The following SERGEF variants were observed in gnomAD, a reference collection of about 807,000 sequenced individuals.
The protein encoded by SERGEF is secretion regulating guanine nucleotide exchange factor.
Under a neutral mutation model 50.0 loss-of-function variants are expected in SERGEF, and 51 were observed. The ratio of observed to expected loss-of-function variants is 1.02; its 90% CI spans 0.81 to 1.29. The LOEUF is 1.29. Ranked by LOEUF, SERGEF falls within the 50% of genes most tolerant of loss-of-function variation. The probability of loss-of-function intolerance (pLI) is 0.00; values close to 1 mark genes in which losing one functional copy is unlikely to be tolerated. For missense variants in SERGEF, 521 were observed against 557.0 expected (o/e 0.94, Z 0.65); for synonymous variants, 205 against 212.4 (o/e 0.97, Z 0.30).
At chr11:17,837,836 G>T (rs1320214210) in intron 10 of SERGEF, among the ~76,000 whole-genome samples, 1 of 151,760 alleles carries the variant, frequency 6.6e-6, no homozygotes, top group Non-Finnish European at 1.5e-5. Context: ...GCTAATTTTT[G>T]TATTTTTAAT....
intron 9 of SERGEF, among the ~76,000 whole-genome samples, chr11:17,954,155 G>A (rs538973300): frequency 2.0e-5 from 3 of 152,298 alleles, no homozygotes; most frequent in Non-Finnish European, 4.4e-5. Flanking sequence ...GTACTTACCA[G>A]AGAGCCACTT....
At chr11:17,832,358 A>C (rs12797500) in intron 10 of SERGEF, among the ~76,000 whole-genome samples, 12,042 of 152,290 alleles carry the variant, frequency 0.079, 557 homozygotes, top group Middle Eastern at 0.095. Context: ...TGAGTTGCTC[A>C]TCCTTGCCTT....
intron 8 of SERGEF, among the ~76,000 whole-genome samples, chr11:17,982,047 C>G (rs1365580645): frequency 6.6e-6 from 1 of 152,164 alleles, no homozygotes; most frequent in Non-Finnish European, 1.5e-5. Flanking sequence ...TCAAGAGATC[C>G]ACCTGCCTCA....
chr11:17,803,551 C>T (rs1374733132), intron 10 of SERGEF, among the ~76,000 whole-genome samples: 1 of 152,190 alleles, frequency 6.6e-6, no homozygotes, highest in African/African-American at 2.4e-5. Context: ...TAAGAACAAT[C>T]GTCTTTTCCT....
At chr11:17,846,961 C>G (rs1000087127) in intron 10 of SERGEF, among the ~76,000 whole-genome samples, 2 of 152,138 alleles carry the variant, frequency 1.3e-5, no homozygotes, top group Admixed American at 6.5e-5. Context: ...TGTATTACCC[C>G]CTAGTGGCTC....
intron 9 of SERGEF, among the ~76,000 whole-genome samples, chr11:17,924,600 G>A (rs1852215933): frequency 6.6e-6 from 1 of 151,412 alleles, no homozygotes; most frequent in Non-Finnish European, 1.5e-5. Flanking sequence ...TGGCAGTGTG[G>A]AGGGTAGAAA....
At chr11:17,871,835 G>C (rs1590168662) in intron 10 of SERGEF, among the ~76,000 whole-genome samples, 2 of 152,308 alleles carry the variant, frequency 1.3e-5, no homozygotes, top group East Asian at 3.9e-4. Context: ...CATATTGCTG[G>C]TGGGGGTGTA....
At chr11:17,837,443 C>T (rs183212192) in intron 10 of SERGEF, among the ~76,000 whole-genome samples, 116 of 151,752 alleles carry the variant, frequency 7.6e-4, no homozygotes, top group African/African-American at 2.8e-3. Flanking sequence ...TGAGTTGTCA[C>T]TCTATTAGTT....
intron 2 of SERGEF, 70 bp downstream of exon 2, chr11:18,007,871 G>T: frequency 7.1e-7 from 1 of 1,402,610 alleles, no homozygotes; most frequent in Non-Finnish European, 9.8e-7. Flanking sequence ...CTGAAAGATG[G>T]CAATATCATA....
At chr11:17,980,056 A>C (rs1853463059) in intron 8 of SERGEF, among the ~76,000 whole-genome samples, 1 of 152,244 alleles carries the variant, frequency 6.6e-6, no homozygotes, top group Non-Finnish European at 1.5e-5. Context: ...GCCTGCAGCC[A>C]GCAGAGCCCA....
At chr11:17,900,019 C>G (rs1851720400) in intron 9 of SERGEF, among the ~76,000 whole-genome samples, 2 of 151,882 alleles carry the variant, frequency 1.3e-5, no homozygotes, top group African/African-American at 2.4e-5. Context: ...TGTGCTGGCA[C>G]TAGGGATACA....
intron 9 of SERGEF, among the ~76,000 whole-genome samples, chr11:17,938,912 GA>G (rs1275867638): frequency 6.6e-6 from 1 of 152,104 alleles, no homozygotes; most frequent in Non-Finnish European, 1.5e-5. Context: ...ATGGGTGTTA[GA>G]AAAAAATCAA....
intron 10 of SERGEF, chr11:17,863,641 T>A (rs1590163798): frequency 6.6e-6 from 1 of 152,192 alleles, no homozygotes; most frequent in East Asian, 1.9e-4. Context: ...CATTCAGTAT[T>A]TAAGTCCAAA....
chr11:17,964,447 C>A (rs1345643669), intron 8 of SERGEF, among the ~76,000 whole-genome samples: 4 of 152,140 alleles, frequency 2.6e-5, no homozygotes, highest in African/African-American at 7.2e-5. Flanking sequence ...CTACCCTGTT[C>A]TAGGGAAGGG....
chr11:17,995,689 G>C, intron 6 of SERGEF, 107 bp downstream of exon 6: 1 of 776,102 alleles, frequency 1.3e-6, no homozygotes. Flanking sequence ...AAGTTAGAGA[G>C]ACCAAGAAAT....
At chr11:17,958,890 T>G (rs1228232233) in intron 9 of SERGEF, among the ~76,000 whole-genome samples, 1 of 152,142 alleles carries the variant, frequency 6.6e-6, no homozygotes, top group East Asian at 1.9e-4. Context: ...GACAGAGTCT[T>G]GCTCTGCCCC....
At chr11:18,012,732 G>T in intron 1 of SERGEF, 1 of 1,257,828 alleles carries the variant, frequency 8.0e-7, no homozygotes, top group Non-Finnish European at 1.1e-6. Flanking sequence ...CCCTGACCCC[G>T]CCAGCCGGCA....
chr11:17,907,039 T>C (rs1312331200), intron 9 of SERGEF, among the ~76,000 whole-genome samples: 2 of 151,866 alleles, frequency 1.3e-5, no homozygotes, highest in African/African-American at 4.8e-5. Context: ...CCTCGCCCAG[T>C]CCATGACCCT....
At chr11:17,949,952 A>G (rs1852743460) in intron 9 of SERGEF, among the ~76,000 whole-genome samples, 1 of 152,222 alleles carries the variant, frequency 6.6e-6, no homozygotes, top group South Asian at 2.1e-4. Flanking sequence ...GGCAAAGGGA[A>G]GCAGAACCAG....
Sources: gnomAD v4.1 joint callset for allele counts (sites outside exome capture counted in the v4.1 genomes callset) on GRCh38, gnomAD v4.1.1 for gene constraint, MANE v1.5 for transcripts, NCBI Gene and HGNC (gene_info 2026-07-23, HGNC 2026-07-21) for gene names.